The following SEC61A1 variants were observed in gnomAD, a reference collection of about 807,000 sequenced individuals.
SEC61A1 encodes protein transport protein Sec61 subunit alpha isoform 1.
A neutral mutation model predicts 55.2 loss-of-function variants in SEC61A1; 15 were observed. The observed-to-expected ratio is 0.27, with a 90% CI of 0.18 to 0.42. SEC61A1 has a LOEUF of 0.42. Among genes scored for constraint, SEC61A1 ranks in the 10% least tolerant of loss-of-function variants. The pLI is 1.00. For missense variants in SEC61A1, 284 were observed against 602.6 expected, an observed-to-expected ratio of 0.47 and a Z score of 5.53; for synonymous variants, 247 against 234.0, an observed-to-expected ratio of 1.06 and a Z score of -0.51.
upstream of SEC61A1, chr3:128,052,432 G>T (rs1342017635): frequency 1.4e-6 from 2 of 1,400,270 alleles, no homozygotes; most frequent in Non-Finnish European, 9.3e-7. Flanking sequence ...CGCCGGGCTA[G>T]CACTGACGTG....
chr3:128,060,239 G>T, intron 6 of SEC61A1, 28 bp downstream of exon 6: 1 of 1,474,798 alleles, frequency 6.8e-7, no homozygotes, highest in South Asian at 1.1e-5. Context: ...ATCTCCCTTT[G>T]AGTAGCCCCT....
Position 128,069,736 on chromosome 3 carries a change from C to A in SEC61A1, c.*74C>A. The A allele has an allele frequency of 8.0e-7, 1 of 1,255,324 alleles. No homozygotes were observed. Among genetic ancestry groups the A allele is most frequent in the Admixed American group, 1.9e-5 (1 of 51,560 alleles). The allele number at this position is 1,255,324 out of a possible 1,614,324, so 77.8% of individuals were successfully genotyped here. A position where few individuals can be genotyped will look rare whatever the true frequency, so the allele number is the denominator to read the frequency against. On this transcript the variant is annotated 3_prime_UTR_variant, in exon 12 of 12. Coordinates refer to ENST00000243253, the MANE Select transcript of SEC61A1 (RefSeq NM_013336.4). ...AGGGGAGCTCTCATCATGGCGCGTG[C>A]TGCTGCGGCATATGGACTTTTAATA...
chr3:128,060,252 C>G (rs1231260864), intron 6 of SEC61A1, 41 bp downstream of exon 6: 2 of 1,363,780 alleles, frequency 1.5e-6, no homozygotes, highest in African/African-American at 2.9e-5. Flanking sequence ...TAGCCCCTCA[C>G]ACTTACCTAC....
rs912473455 is a variant in SEC61A1 at position 128,060,381 on chromosome 3, C to A, written c.463-127C>A. On this transcript the variant is annotated intron_variant, in intron 6 of 11. Coordinates refer to ENST00000243253, the MANE Select transcript of SEC61A1 (RefSeq NM_013336.4). ...GCAGAGAAAGGCTTTACTGACCGCT[C>A]TCTGGGGCTGAGGATGTGATCTCAT... 1.2e-5 allele frequency: 14 copies of A among 1,166,294 alleles called. No homozygotes were observed. In the Admixed American group the frequency reaches 1.4e-4, roughly 12 times the overall value. The allele number at this position is 1,166,294 out of a possible 1,614,324, so 72.2% of individuals were successfully genotyped here. A position where few individuals can be genotyped will look rare whatever the true frequency, so the allele number is the denominator to read the frequency against.
chr3:128,053,005 C>T (rs1941713273), intron 2 of SEC61A1, 103 bp downstream of exon 2: 2 of 802,684 alleles, frequency 2.5e-6, no homozygotes, highest in Non-Finnish European at 4.1e-6. Context: ...AATGGAAACT[C>T]TCCCTTCTCT....
intron 7 of SEC61A1, among the ~76,000 whole-genome samples, chr3:128,063,407 G>A (rs1941879162): frequency 1.3e-5 from 2 of 152,172 alleles, no homozygotes; most frequent in Admixed American, 6.5e-5. Context: ...GCGCCATCTC[G>A]GCTCACTGCA....
chr3:128,068,998 T>G lies in SEC61A1; in HGVS notation c.1245-478T>G, dbSNP rs533485790. 3 of 152,634 alleles carry G rather than the reference T, an allele frequency of 2.0e-5. No homozygotes were observed. In the East Asian group the frequency reaches 5.8e-4, roughly 29 times the overall value. The allele number at this position is 152,634 out of a possible 1,614,324, so 9.5% of individuals were successfully genotyped here. A position where few individuals can be genotyped will look rare whatever the true frequency, so the allele number is the denominator to read the frequency against. On this transcript the variant is annotated intron_variant, in intron 11 of 11. Transcript: ENST00000243253. ...CTAGCAGGGATGGTAGGCAATTTAG[T>G]TCATTCTCTTAATATTAAGCTGCTG...
At chr3:128,063,972 C>T (rs1291867552) in intron 7 of SEC61A1, among the ~76,000 whole-genome samples, 2 of 152,188 alleles carry the variant, frequency 1.3e-5, no homozygotes, top group African/African-American at 4.8e-5. Flanking sequence ...CTCAGTCCCT[C>T]AGTAAGCTCA....
chr3:128,063,456 C>T (rs1004192296), intron 7 of SEC61A1, among the ~76,000 whole-genome samples: 1 of 152,204 alleles, frequency 6.6e-6, no homozygotes, highest in African/African-American at 2.4e-5. Flanking sequence ...TCTGCCTCAG[C>T]CTCCTGAGTA....
intron 1 of SEC61A1, 133 bp downstream of exon 1, chr3:128,052,692 C>G: frequency 2.6e-6 from 4 of 1,518,010 alleles, no homozygotes; most frequent in Middle Eastern, 3.4e-4. Context: ...CCCGGCCCTT[C>G]TCGAGTATCC....
intron 8 of SEC61A1, among the ~76,000 whole-genome samples, chr3:128,065,479 G>A (rs1380887777): frequency 1.3e-5 from 2 of 152,122 alleles, no homozygotes; most frequent in African/African-American, 2.4e-5. Flanking sequence ...ACTTGCTTCT[G>A]AGTAAGAGAC....
intron 2 of SEC61A1, among the ~76,000 whole-genome samples, chr3:128,053,442 T>C (rs1941721259): frequency 6.6e-6 from 1 of 152,220 alleles, no homozygotes; most frequent in Non-Finnish European, 1.5e-5. Context: ...CAAGGAAAGA[T>C]TAAATTTAGA....
Position 128,059,728 on chromosome 3 carries a change from TG to T in SEC61A1, c.353-371del, listed in dbSNP as rs533980977. The stretch of plus-strand genomic sequence containing the variant: ...GACCCCAAGTGCCTGACATTGAGTT[TG>T]GGTGCTGCAGGTGTGACATCTCCAG... On this transcript the variant is annotated intron_variant, in intron 5 of 11. Coordinates refer to ENST00000243253, the MANE Select transcript of SEC61A1 (RefSeq NM_013336.4). Among the ~76,000 whole-genome samples, 6 of 152,170 alleles carry T rather than the reference TG, an allele frequency of 3.9e-5. No homozygotes were observed. In the East Asian group the frequency reaches 1.2e-3, roughly 29 times the overall value.
At position 128,067,811 on chromosome 3, in the gene SEC61A1, C is replaced by T; in HGVS notation, c.1168-172C>T. The T allele has an allele frequency of 1.5e-6, 1 of 685,580 alleles. No individual in the cohort carries two copies. The highest frequency in any genetic ancestry group is 2.5e-6 in the Non-Finnish European group (1 of 396,862). 42.5% of individuals were successfully genotyped at this position (685,580 alleles called of 1,614,324 possible). A position where few individuals can be genotyped will look rare whatever the true frequency, so the allele number is the denominator to read the frequency against. On this transcript the variant is annotated intron_variant, in intron 10 of 11. Coordinates refer to ENST00000243253, the MANE Select transcript of SEC61A1 (RefSeq NM_013336.4). The surrounding 1 kb of genome is among the most constrained non-coding windows in gnomAD (Gnocchi z 4.1). ...AGCTGTGGGTATGAGAATCTGAATC[C>T]ACACTGTAAAGTTAGACTTTTTCAT...
intron 2 of SEC61A1, 123 bp downstream of exon 2, chr3:128,053,025 G>GT: frequency 1.4e-6 from 1 of 691,006 alleles, no homozygotes; most frequent in Non-Finnish European, 2.4e-6. Flanking sequence ...TTCCCTTGGA[G>GT]TGTAGTTGTG....
At chr3:128,051,973 C>A (rs955469450), upstream of SEC61A1, 70 of 1,277,472 alleles carry the variant, frequency 5.5e-5, no homozygotes, top group East Asian at 2.5e-5. Flanking sequence ...AGGTGACGGG[C>A]GCCGCGGTAG....
chr3:128,055,672 G>C lies in SEC61A1; in HGVS notation c.142-1G>C. Reference sequence around the variant, plus strand: ...CTGTTTTGCTCTTTGCCTGTTCCCAGATTCCCCTGTTTGGGATCATGTCTT... The same window carrying C: ...CTGTTTTGCTCTTTGCCTGTTCCCACATTCCCCTGTTTGGGATCATGTCTT... On this transcript the variant is annotated splice_acceptor_variant, in intron 3 of 11. Coordinates refer to ENST00000243253, the MANE Select transcript of SEC61A1 (RefSeq NM_013336.4). LOFTEE classifies it high-confidence loss of function. The C allele has an allele frequency of 6.2e-7, 1 of 1,614,066 alleles. No homozygotes were observed. The highest frequency in any genetic ancestry group is 1.3e-5 in the African/African-American group (1 of 75,060).
chr3:128,068,042 G>A lies in SEC61A1; in HGVS notation c.1227G>A (p.Met409Ile). The change falls in exon 11 of 12, where the codon ATG becomes ATA. Residue 409 changes from methionine (M) to isoleucine (I), a missense_variant. Coordinates refer to ENST00000243253, the MANE Select transcript of SEC61A1 (RefSeq NM_013336.4). ...MVMRGHRETS[M>I]VHELNRYIPT... ...TGAGAGGCCACCGAGAGACCTCCAT[G>A]GTCCATGAACTCAACCGGTGAGTGG... 2 of 1,613,880 alleles carry A rather than the reference G, an allele frequency of 1.2e-6. No individual in the cohort carries two copies. Among genetic ancestry groups the A allele is most frequent in the South Asian group, 1.1e-5 (1 of 91,066 alleles).
At chr3:128,055,303 T>C (rs1417771128) in intron 2 of SEC61A1, among the ~76,000 whole-genome samples, 2 of 152,150 alleles carry the variant, frequency 1.3e-5, no homozygotes, top group East Asian at 3.8e-4. Context: ...TGAGCTGGGG[T>C]GATGCCTGTA....
Sources: allele counts gnomAD v4.1 joint callset (sites outside exome capture counted in the v4.1 genomes callset), GRCh38; gene constraint gnomAD v4.1.1; non-coding constraint Gnocchi (gnomAD v3.1); transcripts MANE v1.5; gene names NCBI Gene and HGNC (gene_info 2026-07-23, HGNC 2026-07-21).